CHRM3: variants seen among roughly 807,000 people sequenced by gnomAD.
The protein encoded by CHRM3 is muscarinic acetylcholine receptor M3.
In CHRM3, 11 loss-of-function variants were observed where a neutral mutation model predicts 41.8. The ratio of observed to expected loss-of-function variants is 0.26; its 90% CI spans 0.17 to 0.44. CHRM3 has a LOEUF of 0.44. Ranked by LOEUF, CHRM3 falls within the 20% of genes least tolerant of loss-of-function variation. The pLI, the probability that CHRM3 is intolerant of heterozygous loss-of-function variation, is 1.00. For missense variants in CHRM3, 571 were observed against 745.4 expected (o/e 0.77, Z 2.72); for synonymous variants, 297 against 301.4 (o/e 0.99, Z 0.15).
chr1:239,828,227 C>T (rs1672615120), intron 6 of CHRM3, among the ~76,000 whole-genome samples: 1 of 152,024 alleles, frequency 6.6e-6, no homozygotes. Context: ...CATACATAGA[C>T]ACACATAGTT....
At chr1:239,636,640 G>C (rs991334502) in intron 4 of CHRM3, among the ~76,000 whole-genome samples, 2 of 152,114 alleles carry the variant, frequency 1.3e-5, no homozygotes, top group Admixed American at 1.3e-4. Context: ...TGGGTCTTTG[G>C]AAGATGATAA....
In CHRM3 at chr1:239,402,629, T is replaced by C. The variant is rs550274210; in HGVS notation, c.-521+15402T>C. On this transcript the variant is annotated intron_variant, in intron 1 of 6. Transcript: ENST00000676153. ...TTTCTGTGGAAACCACACTTCCAAA[T>C]TTATTCTCCCTAGCTTGGCTGTAGC... is the stretch of plus-strand genomic sequence containing the variant. Among the ~76,000 whole-genome samples the C allele has an allele frequency of 8.5e-5, 13 of 152,272 alleles. No individual in the cohort carries two copies. In the South Asian group the frequency reaches 2.5e-3, roughly 29 times the overall value.
At chr1:239,643,242 C>G (rs1224709225) in intron 4 of CHRM3, among the ~76,000 whole-genome samples, 1 of 152,220 alleles carries the variant, frequency 6.6e-6, no homozygotes, top group East Asian at 1.9e-4. Context: ...AGGAGGCAGT[C>G]TGCCCATTCT....
At chr1:239,646,017 A>C (rs750851724) in intron 4 of CHRM3, among the ~76,000 whole-genome samples, 5 of 152,234 alleles carry the variant, frequency 3.3e-5, no homozygotes, top group Non-Finnish European at 7.3e-5. Context: ...CATGCACAAT[A>C]CATGCCAAGT....
At chr1:239,446,959 G>T (rs957982230) in intron 1 of CHRM3, among the ~76,000 whole-genome samples, 5 of 152,138 alleles carry the variant, frequency 3.3e-5, no homozygotes, top group Non-Finnish European at 4.4e-5. Flanking sequence ...ATTTAAAATA[G>T]TTAAAATAAT....
intron 1 of CHRM3, among the ~76,000 whole-genome samples, chr1:239,486,323 T>C (rs1667179233): frequency 6.6e-6 from 1 of 152,210 alleles, no homozygotes; most frequent in Admixed American, 6.5e-5. Context: ...TCATTTATCA[T>C]AGTGCCTTCT....
At chr1:239,533,219 A>T (rs542410725) in intron 2 of CHRM3, among the ~76,000 whole-genome samples, 25 of 152,312 alleles carry the variant, frequency 1.6e-4, no homozygotes, top group Non-Finnish European at 3.1e-4. Flanking sequence ...CTATGCCAGC[A>T]ATGAAGCTAA....
intron 3 of CHRM3, among the ~76,000 whole-genome samples, chr1:239,552,338 TATC>T (rs1291108528): frequency 6.7e-6 from 1 of 148,208 alleles, no homozygotes; most frequent in Non-Finnish European, 1.5e-5. Flanking sequence ...AGATGATATG[TATC>T]ATATTTTATA....
intron 5 of CHRM3, among the ~76,000 whole-genome samples, chr1:239,694,320 G>C (rs994118331): frequency 1.3e-5 from 2 of 152,180 alleles, no homozygotes; most frequent in Non-Finnish European, 2.9e-5. Flanking sequence ...ATCCTTCTCT[G>C]CCTCACTGTG....
At chr1:239,486,478 G>A (rs1167263634) in intron 1 of CHRM3, among the ~76,000 whole-genome samples, 1 of 152,134 alleles carries the variant, frequency 6.6e-6, no homozygotes, top group African/African-American at 2.4e-5. Context: ...GTTCTTTTCT[G>A]TCTGTGGGAA....
intron 5 of CHRM3, among the ~76,000 whole-genome samples, chr1:239,708,715 G>A (rs1384893625): frequency 5.3e-5 from 2 of 37,576 alleles, no homozygotes; most frequent in Non-Finnish European, 1.2e-4. Flanking sequence ...CTGGCTCTTT[G>A]TTTCTTCTGG....
At chr1:239,506,909 T>C (rs1353405386) in intron 2 of CHRM3, among the ~76,000 whole-genome samples, 3 of 152,184 alleles carry the variant, frequency 2.0e-5, no homozygotes, top group Non-Finnish European at 2.9e-5. Context: ...GTTTTAAGAT[T>C]AGACTGCCCT....
chr1:239,558,386 T>C (rs1189156377), intron 3 of CHRM3, among the ~76,000 whole-genome samples: 1 of 152,220 alleles, frequency 6.6e-6, no homozygotes, highest in Non-Finnish European at 1.5e-5. Context: ...TTTTGTCAGA[T>C]GGATAGATTG....
intron 1 of CHRM3, among the ~76,000 whole-genome samples, chr1:239,408,529 A>AAAAC (rs1049746637): frequency 2.0e-5 from 3 of 150,596 alleles, no homozygotes; most frequent in East Asian, 3.9e-4. Context: ...GTCAAAAAAA[A>AAAAC]AAAAAAAAAA....
chr1:239,604,671 G>C (rs979832294), intron 3 of CHRM3, among the ~76,000 whole-genome samples: 2 of 152,148 alleles, frequency 1.3e-5, no homozygotes, highest in African/African-American at 4.8e-5. Flanking sequence ...AATAATCCAA[G>C]AGAAATAGAT....
chr1:239,614,172 A>G (rs1667374213), intron 3 of CHRM3, among the ~76,000 whole-genome samples: 1 of 152,118 alleles, frequency 6.6e-6, no homozygotes, highest in Non-Finnish European at 1.5e-5. Flanking sequence ...GTCTCTAATA[A>G]TAATGATAAT....
chr1:239,668,219 C>A (rs1674022294), intron 4 of CHRM3, among the ~76,000 whole-genome samples: 1 of 150,930 alleles, frequency 6.6e-6, no homozygotes, highest in Non-Finnish European at 1.5e-5. Flanking sequence ...ATGCCTCAGC[C>A]TCCTGAGTAG....
chr1:239,535,348 A>G (rs951974130), intron 2 of CHRM3, among the ~76,000 whole-genome samples: 22 of 151,924 alleles, frequency 1.4e-4, no homozygotes, highest in Middle Eastern at 3.4e-3. Flanking sequence ...CTCTCCATGT[A>G]TGTTGTCTTC....
chr1:239,518,448 CA>C (rs1669417313), intron 2 of CHRM3, among the ~76,000 whole-genome samples: 1 of 152,140 alleles, frequency 6.6e-6, no homozygotes, highest in African/African-American at 2.4e-5. Flanking sequence ...CAGTGTCTCT[CA>C]AACTAAAGTC....
Sources: allele counts gnomAD v4.1 joint callset (sites outside exome capture counted in the v4.1 genomes callset), GRCh38; gene constraint gnomAD v4.1.1; transcripts MANE v1.5; gene names NCBI Gene and HGNC (gene_info 2026-07-23, HGNC 2026-07-21).